PPP1R17: variants seen among roughly 807,000 people sequenced by gnomAD.
PPP1R17 encodes the protein protein phosphatase 1 regulatory subunit 17.
PPP1R17 carries 12 observed loss-of-function variants against 15.9 expected under a neutral mutation model. That is an observed-to-expected ratio of 0.75 (90% CI 0.48 to 1.22). The LOEUF is 1.22. PPP1R17 is among the 50% of genes most tolerant of loss of function. PPP1R17 has a pLI of 0.00. For synonymous variants in PPP1R17, 63 were observed against 64.5 expected, an observed-to-expected ratio of 0.98 and a Z score of 0.11; for missense variants, 211 against 187.3, an observed-to-expected ratio of 1.13 and a Z score of -0.74.
intron 2 of PPP1R17, 108 bp downstream of exon 2, chr7:31,692,631 T>C (rs2128239139): frequency 2.0e-6 from 2 of 1,002,686 alleles, no homozygotes; most frequent in East Asian, 2.5e-5. Flanking sequence ...CGAAACCTGA[T>C]AGTCTGTGCC....
rs1166968183 is a variant in PPP1R17 at position 31,708,168 on chromosome 7, T to C, written c.*885T>C. The C allele has an allele frequency of 6.6e-6, 1 of 152,166 alleles. No homozygotes were observed. The highest frequency in any genetic ancestry group is 2.4e-5 in the African/African-American group (1 of 41,442). The allele number at this position is 152,166 out of a possible 1,614,324, so 9.4% of individuals were successfully genotyped here. A position where few individuals can be genotyped will look rare whatever the true frequency, so the allele number is the denominator to read the frequency against. On this transcript the variant is annotated 3_prime_UTR_variant, in exon 5 of 5. Coordinates refer to ENST00000342032, the MANE Select transcript of PPP1R17 (RefSeq NM_006658.5). Reference sequence around the variant, plus strand: ...TCTTGGATGAGAGGGGAGAGTGTGGTGTTAGCTAGTGAGCAGAGGTCTGTA... The same window carrying C: ...TCTTGGATGAGAGGGGAGAGTGTGGCGTTAGCTAGTGAGCAGAGGTCTGTA...
rs1554307560 is a variant in PPP1R17, at chr7:31,694,387, A to AACACACACACACACAAAC, written c.83-1067_83-1066insAACACACACACACACACA. On this transcript the variant is annotated intron_variant, in intron 2 of 4. Transcript: ENST00000342032. The stretch of plus-strand genomic sequence containing the variant: ...ATTTTAGCTCTCTCTCTCTCTCTCA[A>AACACACACACACACAAAC]ACACACACACACACACACACACACA... 4.0e-3 allele frequency among the ~76,000 whole-genome samples: 573 copies of AACACACACACACACAAAC among 141,674 alleles called. 6 individuals are homozygous for AACACACACACACACAAAC. The highest frequency in any genetic ancestry group is 0.014 in the African/African-American group (517 of 38,136). The allele number at this position is 141,674 out of a possible 152,430, so 92.9% of individuals were successfully genotyped here.
At chr7:31,692,214 G>T (rs899481362) in intron 1 of PPP1R17, among the ~76,000 whole-genome samples, 192 bp from the exon 2 acceptor site, 1 of 152,144 alleles carries the variant, frequency 6.6e-6, no homozygotes, top group African/African-American at 2.4e-5. Flanking sequence ...GAGGGTGGGA[G>T]GGTTCATTTT....
At chr7:31,705,335 G>A (rs977450778) in intron 4 of PPP1R17, among the ~76,000 whole-genome samples, 1 of 152,168 alleles carries the variant, frequency 6.6e-6, no homozygotes, top group Non-Finnish European at 1.5e-5. Context: ...TTGGCTTAAT[G>A]TGAAGAGATA....
At chr7:31,692,686 G>A (rs1206641486) in intron 2 of PPP1R17, among the ~76,000 whole-genome samples, 163 bp downstream of exon 2, 1 of 152,208 alleles carries the variant, frequency 6.6e-6, no homozygotes, top group Non-Finnish European at 1.5e-5. Context: ...ATAGCCATGG[G>A]TCTGTGGGGT....
intron 4 of PPP1R17, among the ~76,000 whole-genome samples, chr7:31,704,401 C>G (rs1254592481): frequency 6.6e-6 from 1 of 152,294 alleles, no homozygotes; most frequent in Non-Finnish European, 1.5e-5. Flanking sequence ...AGACTTTGGA[C>G]TGGCAGTCTT....
chr7:31,690,655 C>A (rs762597606), intron 1 of PPP1R17, among the ~76,000 whole-genome samples: 120 of 152,244 alleles, frequency 7.9e-4, no homozygotes, highest in Non-Finnish European at 1.3e-3. Flanking sequence ...ACTAAATAAC[C>A]TGCTATTAGG....
At chr7:31,694,663 G>A (rs1433599770) in intron 2 of PPP1R17, among the ~76,000 whole-genome samples, 1 of 152,130 alleles carries the variant, frequency 6.6e-6, no homozygotes, top group African/African-American at 2.4e-5. Flanking sequence ...AACCATTATG[G>A]AAGAGTGAAC....
At chr7:31,691,096 T>C (rs1415540970) in intron 1 of PPP1R17, among the ~76,000 whole-genome samples, 1 of 152,134 alleles carries the variant, frequency 6.6e-6, no homozygotes, top group Non-Finnish European at 1.5e-5. Flanking sequence ...ATACAAACAC[T>C]GAAAACAATG....
intron 2 of PPP1R17, 116 bp downstream of exon 2, chr7:31,692,639 G>A: frequency 1.1e-6 from 1 of 913,646 alleles, no homozygotes; most frequent in Non-Finnish European, 1.7e-6. Context: ...GATAGTCTGT[G>A]CCTTCTGGTG....
intron 3 of PPP1R17, chr7:31,696,138 C>G (rs1355929442): frequency 6.6e-6 from 1 of 152,436 alleles, no homozygotes; most frequent in Non-Finnish European, 1.5e-5. Flanking sequence ...GTCTGCTGAA[C>G]AGCTAACATG....
intron 4 of PPP1R17, among the ~76,000 whole-genome samples, chr7:31,698,097 G>A (rs957680066): frequency 1.3e-5 from 2 of 152,190 alleles, no homozygotes; most frequent in African/African-American, 4.8e-5. Context: ...ACTAATCTGT[G>A]CTGTGGTTTG....
intron 4 of PPP1R17, among the ~76,000 whole-genome samples, chr7:31,705,129 G>A (rs1328651628): frequency 2.0e-5 from 3 of 152,144 alleles, no homozygotes; most frequent in Admixed American, 2.0e-4. Flanking sequence ...CTTGTGGACA[G>A]CCCAGCCTAC....
At chr7:31,700,236 T>G (rs1427276430) in intron 4 of PPP1R17, among the ~76,000 whole-genome samples, 2 of 152,190 alleles carry the variant, frequency 1.3e-5, no homozygotes, top group Non-Finnish European at 2.9e-5. Flanking sequence ...AAAGTTCTAC[T>G]CCAGTGAACA....
intron 3 of PPP1R17, 109 bp downstream of exon 3, chr7:31,695,730 T>C: frequency 1.8e-6 from 2 of 1,107,930 alleles, no homozygotes; most frequent in Non-Finnish European, 2.6e-6. Flanking sequence ...AAGTAATTTG[T>C]GCACTCCCCA....
Position 31,692,637 on chromosome 7 carries a change from G to C in PPP1R17, c.82+114G>C, listed in dbSNP as rs189508918. On this transcript the variant is annotated intron_variant, in intron 2 of 4. Transcript: ENST00000342032. The stretch of plus-strand genomic sequence containing the variant: ...GGCACCCCCCGAAACCTGATAGTCT[G>C]TGCCTTCTGGTGACAGCCAACACCA... 1.2e-5 allele frequency: 11 copies of C among 911,920 alleles called. No homozygotes were observed. The African/African-American group carries it at 1.7e-4, about 14-fold the overall frequency. 56.5% of individuals were successfully genotyped at this position (911,920 alleles called of 1,614,324 possible). A position where few individuals can be genotyped will look rare whatever the true frequency, so the allele number is the denominator to read the frequency against.
intron 4 of PPP1R17, among the ~76,000 whole-genome samples, chr7:31,697,489 C>T (rs1325016602): frequency 6.6e-6 from 1 of 152,024 alleles, no homozygotes; most frequent in Non-Finnish European, 1.5e-5. Flanking sequence ...GACTAATTGG[C>T]CAAATCCTCA....
intron 1 of PPP1R17, among the ~76,000 whole-genome samples, chr7:31,690,410 CAT>C (rs1792292639): frequency 6.6e-6 from 1 of 152,212 alleles, no homozygotes; most frequent in Non-Finnish European, 1.5e-5. Flanking sequence ...CAGAGAGGGA[CAT>C]ATGTTTCTGG....
At chr7:31,698,376 C>T (rs1321174266) in intron 4 of PPP1R17, among the ~76,000 whole-genome samples, 1 of 152,128 alleles carries the variant, frequency 6.6e-6, no homozygotes, top group African/African-American at 2.4e-5. Context: ...TTCCAATTAC[C>T]TCTATCTATC....
Sources: allele counts gnomAD v4.1 joint callset (sites outside exome capture counted in the v4.1 genomes callset), GRCh38; gene constraint gnomAD v4.1.1; transcripts MANE v1.5; gene names NCBI Gene and HGNC (gene_info 2026-07-23, HGNC 2026-07-21).